Variants in CALN1 observed in about 807,000 individuals in gnomAD.
The protein encoded by CALN1 is calcium-binding protein 8.
CALN1 carries 17 observed loss-of-function variants against 30.6 expected under a neutral mutation model. That is an observed-to-expected ratio of 0.56 (90% CI 0.38 to 0.83). The LOEUF is 0.83. CALN1 is among the 40% of genes least tolerant of loss of function. CALN1 has a pLI of 0.00. For synonymous variants in CALN1, 156 were observed against 131.4 expected (o/e 1.19, Z -1.28); for missense variants, 291 against 354.9 (o/e 0.82, Z 1.45).
chr7:72,048,746 C>CTCCT (rs1563009513), intron 4 of CALN1, among the ~76,000 whole-genome samples: 1 of 149,162 alleles, frequency 6.7e-6, no homozygotes, highest in Non-Finnish European at 1.5e-5. Context: ...TCTTCTCTGC[C>CTCCT]TCCTTCCTTC....
rs150856658 is a variant in CALN1, at chr7:71,899,307, C to A, written c.502-88815G>T. Among the ~76,000 whole-genome samples, 290 of 152,144 alleles carry A rather than the reference C, an allele frequency of 1.9e-3. 1 individual carries two copies. The highest frequency in any genetic ancestry group is 6.7e-3 in the African/African-American group (277 of 41,496). On this transcript the variant is annotated intron_variant, in intron 5 of 6. Transcript: ENST00000395275. Reference sequence around the variant, plus strand: ...TACAGGCATGTGCCACCGTGCCTGGCGAATTTTGTATTTTTAGTAGAGATG... The same window carrying A: ...TACAGGCATGTGCCACCGTGCCTGGAGAATTTTGTATTTTTAGTAGAGATG...
Position 72,077,209 on chromosome 7 carries a change from G to C in CALN1, c.388+28942C>G, listed in dbSNP as rs111922895. The stretch of plus-strand genomic sequence containing the variant: ...TATGTATCCATAAAAAATAAAATTG[G>C]AATTCACAGTTCTGAAATCAAACAG... On this transcript the variant is annotated intron_variant, in intron 4 of 6. Transcript: ENST00000395275. 9.1e-3 allele frequency among the ~76,000 whole-genome samples: 1,382 copies of C among 152,220 alleles called. 15 individuals are homozygous for C. The highest frequency in any genetic ancestry group is 0.029 in the African/African-American group (1,199 of 41,556).
chr7:72,191,030 G>A (rs368228918), intron 3 of CALN1, among the ~76,000 whole-genome samples: 1 of 152,274 alleles, frequency 6.6e-6, no homozygotes, highest in East Asian at 1.9e-4. Flanking sequence ...CTATTGTACG[G>A]CAAGAACCAG....
chr7:72,144,538 T>C (rs149910930), intron 3 of CALN1, among the ~76,000 whole-genome samples: 116,785 of 151,994 alleles, frequency 0.77, 45,396 homozygotes, highest in East Asian at 0.96. Flanking sequence ...AATTTAACAC[T>C]CCACTGTCAA....
intron 5 of CALN1, among the ~76,000 whole-genome samples, chr7:71,961,574 C>T (rs1245079639): frequency 1.3e-5 from 2 of 152,108 alleles, no homozygotes; most frequent in Non-Finnish European, 2.9e-5. Flanking sequence ...TTCTTTCTCT[C>T]ACTATTAAAA....
At chr7:71,924,369 G>A (rs1011335842) in intron 5 of CALN1, among the ~76,000 whole-genome samples, 2 of 151,850 alleles carry the variant, frequency 1.3e-5, no homozygotes, top group African/African-American at 4.8e-5. Flanking sequence ...TTTCCTTGGC[G>A]AGAGGTATAA....
chr7:72,349,310 G>C (rs1049935339), intron 2 of CALN1, among the ~76,000 whole-genome samples: 30 of 151,228 alleles, frequency 2.0e-4, no homozygotes, highest in African/African-American at 7.3e-4. Context: ...GTGTGTGTGT[G>C]TGTGTGTGTG....
intron 3 of CALN1, among the ~76,000 whole-genome samples, chr7:72,243,371 G>T (rs184057836): frequency 2.0e-4 from 31 of 152,250 alleles, no homozygotes; most frequent in Non-Finnish European, 3.8e-4. Context: ...CCAACTGATG[G>T]CATTTCTATA....
At chr7:72,401,909 C>T (rs1176586024) in intron 2 of CALN1, among the ~76,000 whole-genome samples, 2 of 152,192 alleles carry the variant, frequency 1.3e-5, no homozygotes, top group African/African-American at 2.4e-5. Context: ...ACATGCCCCA[C>T]CCCCTTTTCC....
intron 5 of CALN1, among the ~76,000 whole-genome samples, chr7:71,868,156 C>T (rs1237181878): frequency 6.6e-6 from 1 of 152,072 alleles, no homozygotes; most frequent in Non-Finnish European, 1.5e-5. Context: ...AATGTATTAG[C>T]CTGTTCTCGC....
At chr7:72,163,293 T>C (rs1788252106) in intron 3 of CALN1, among the ~76,000 whole-genome samples, 1 of 150,798 alleles carries the variant, frequency 6.6e-6, no homozygotes, top group South Asian at 2.1e-4. Flanking sequence ...TAACTGCTTT[T>C]GAGAATAAAA....
chr7:72,025,711 T>C (rs1272541640), intron 4 of CALN1, among the ~76,000 whole-genome samples: 1 of 152,150 alleles, frequency 6.6e-6, no homozygotes, highest in Admixed American at 6.5e-5. Context: ...CATCCCTACC[T>C]TGGCTGCAGC....
chr7:72,088,784 G>GGGAA (rs10525928), intron 4 of CALN1, among the ~76,000 whole-genome samples: 10 of 149,016 alleles, frequency 6.7e-5, no homozygotes, highest in African/African-American at 2.2e-4. Flanking sequence ...AGAGAAGGAA[G>GGGAA]GGAAGGAAGG....
rs1320479165 is a variant in CALN1, at chr7:72,205,558, ATATATATATG to A, written c.244+73118_244+73127del. Among the ~76,000 whole-genome samples, 186 of 113,586 alleles carry A rather than the reference ATATATATATG, an allele frequency of 1.6e-3. 32 individuals carry two copies. The highest frequency in any genetic ancestry group is 6.1e-3 in the African/African-American group (153 of 25,062). 74.5% of individuals were successfully genotyped at this position (113,586 alleles called of 152,430 possible). On this transcript the variant is annotated intron_variant, in intron 3 of 6. Transcript: ENST00000395275. ...TCCTGATTGCAAAAAAAAAATATAT[ATATATATATG>A]TATATATATATATATATATTCAGGA...
intron 2 of CALN1, among the ~76,000 whole-genome samples, chr7:72,388,520 C>A (rs1337017292): frequency 6.6e-6 from 1 of 152,110 alleles, no homozygotes; most frequent in South Asian, 2.1e-4. Flanking sequence ...AGCACATGTA[C>A]CATACTTAAG....
At chr7:72,200,669 A>G (rs1306682009) in intron 3 of CALN1, among the ~76,000 whole-genome samples, 2 of 144,158 alleles carry the variant, frequency 1.4e-5, no homozygotes, top group Non-Finnish European at 3.0e-5. Flanking sequence ...GGTCTCCATG[A>G]AAAAAAAACA....
intron 2 of CALN1, among the ~76,000 whole-genome samples, chr7:72,289,538 G>T (rs1355830572): frequency 6.6e-6 from 1 of 152,072 alleles, no homozygotes; most frequent in Non-Finnish European, 1.5e-5. Flanking sequence ...CATTTTCATG[G>T]TGAAAATATT....
chr7:72,406,773 G>A (rs187690945), intron 1 of CALN1, among the ~76,000 whole-genome samples: 2 of 152,012 alleles, frequency 1.3e-5, no homozygotes, highest in Admixed American at 6.6e-5. Flanking sequence ...CACACCACCA[G>A]GCCTGGCTAA....
At chr7:72,498,396 C>A in the CALN1 span, among the ~76,000 whole-genome samples, 3 of 150,740 alleles carry the variant, frequency 2.0e-5, no homozygotes, top group Admixed American at 1.3e-4. Context: ...TGGATAAAAA[C>A]CAAAAAGAAA....
Sources: allele counts gnomAD v4.1 joint callset (sites outside exome capture counted in the v4.1 genomes callset), GRCh38; gene constraint gnomAD v4.1.1; transcripts MANE v1.5; gene names NCBI Gene and HGNC (gene_info 2026-07-23, HGNC 2026-07-21).